The following GRK5 variants were observed in gnomAD, a reference collection of about 807,000 sequenced individuals.
GRK5 encodes g protein-coupled receptor kinase GRK5.
Under a neutral mutation model 78.4 loss-of-function variants are expected in GRK5, and 40 were observed. The observed-to-expected ratio is 0.51, with a 90% CI of 0.40 to 0.66. The LOEUF is 0.66. GRK5 is among the 30% of genes least tolerant of loss of function. The probability of loss-of-function intolerance (pLI) is 0.00; values close to 1 mark genes in which losing one functional copy is unlikely to be tolerated. For missense variants in GRK5, 598 were observed against 759.9 expected (o/e 0.79, Z 2.50); for synonymous variants, 289 against 296.8 (o/e 0.97, Z 0.27).
chr10:119,350,834 G>A (rs1054557142), intron 2 of GRK5, among the ~76,000 whole-genome samples: 2 of 152,190 alleles, frequency 1.3e-5, no homozygotes, highest in Admixed American at 1.3e-4. Context: ...GAACATGCAC[G>A]CAGCACAGCA....
At chr10:119,392,295 CCT>C (rs1442618612) in intron 3 of GRK5, among the ~76,000 whole-genome samples, 2 of 152,224 alleles carry the variant, frequency 1.3e-5, no homozygotes, top group Non-Finnish European at 2.9e-5. Context: ...AAAGGCCACC[CCT>C]GTGTTTGGCA....
chr10:119,408,341 C>CAAAAAAAAAA (rs67973033), intron 4 of GRK5, among the ~76,000 whole-genome samples: 1 of 48,702 alleles, frequency 2.1e-5, no homozygotes, highest in Non-Finnish European at 3.5e-5. Flanking sequence ...AACCCTGTCT[C>CAAAAAAAAAA]AAAAAAAAAA....
Position 119,271,250 on chromosome 10 carries a change from C to T in GRK5, c.53-55266C>T, listed in dbSNP as rs551430676. On this transcript the variant is annotated intron_variant, in intron 1 of 15. Transcript: ENST00000392870. This position sits in a 1 kb window ranked among gnomAD's most constrained non-coding sequence, Gnocchi z 4.1. ...TTGGGCGCTGGTCATTCAGAGAGGC[C>T]CTCTCAGACACGCCTGGCCTCTTTA... Among the ~76,000 whole-genome samples the T allele has an allele frequency of 1.3e-3, 193 of 152,292 alleles. No homozygotes were observed. Among genetic ancestry groups the T allele is most frequent in the Middle Eastern group, 0.01 (3 of 294 alleles).
intron 1 of GRK5, among the ~76,000 whole-genome samples, chr10:119,311,273 G>A (rs1200562468): frequency 6.6e-6 from 1 of 152,308 alleles, no homozygotes; most frequent in South Asian, 2.1e-4. Context: ...CTGAGAGACA[G>A]GAGGGAACCA....
At chr10:119,252,703 C>T (rs930269930) in intron 1 of GRK5, among the ~76,000 whole-genome samples, 1 of 152,174 alleles carries the variant, frequency 6.6e-6, no homozygotes, top group Non-Finnish European at 1.5e-5. Flanking sequence ...GAAATGTGGC[C>T]TTCCTAAATT....
At chr10:119,347,946 C>T (rs1042409868) in intron 2 of GRK5, among the ~76,000 whole-genome samples, 6 of 152,180 alleles carry the variant, frequency 3.9e-5, no homozygotes, top group Admixed American at 2.6e-4. Context: ...CAGTGACCAC[C>T]CCCCAACCTT....
In GRK5 at chr10:119,216,785, T is replaced by C. The variant is rs950852901; in HGVS notation, c.52+8816T>C. The stretch of plus-strand genomic sequence containing the variant: ...CTGACCACCGTGGTGAAAACCCATC[T>C]CTACTAAAAATACAAAATTACCTGG... On this transcript the variant is annotated intron_variant, in intron 1 of 15. Transcript: ENST00000392870. Among the ~76,000 whole-genome samples the C allele has an allele frequency of 3.3e-5, 5 of 152,168 alleles. No homozygotes were observed. The East Asian group carries it at 7.7e-4, about 23-fold the overall frequency.
In GRK5 at chr10:119,267,793, A is replaced by C. The variant is rs1164390829; in HGVS notation, c.53-58723A>C. Among the ~76,000 whole-genome samples, 1 of 152,086 alleles carries C rather than the reference A, an allele frequency of 6.6e-6. No individual in the cohort carries two copies. The highest frequency in any genetic ancestry group is 1.5e-5 in the Non-Finnish European group (1 of 68,000). ...CTGGCTCAGCCACACAAACAATGACATGGAACAGGGAGGCGCTCCCATGTC... is the reference window on the plus strand; with the variant it reads ...CTGGCTCAGCCACACAAACAATGACCTGGAACAGGGAGGCGCTCCCATGTC... On this transcript the variant is annotated intron_variant, in intron 1 of 15. Transcript: ENST00000392870. This position sits in a 1 kb window ranked among gnomAD's most constrained non-coding sequence, Gnocchi z 4.1.
At chr10:119,416,883 C>G (rs770462741) in intron 4 of GRK5, among the ~76,000 whole-genome samples, 1 of 152,216 alleles carries the variant, frequency 6.6e-6, no homozygotes, top group African/African-American at 2.4e-5. Flanking sequence ...CGTGAGCCAC[C>G]GCACCTGGCT....
chr10:119,432,944 G>A (rs551935836), intron 8 of GRK5, among the ~76,000 whole-genome samples: 2 of 152,252 alleles, frequency 1.3e-5, no homozygotes, highest in African/African-American at 4.8e-5. Context: ...GGTGGTGGGC[G>A]CCTGTAATTC....
At position 119,211,142 on chromosome 10, in the gene GRK5, G is replaced by T. The variant is rs539071411; in HGVS notation, c.52+3173G>T. On this transcript the variant is annotated intron_variant, in intron 1 of 15. Transcript: ENST00000392870. The stretch of plus-strand genomic sequence containing the variant: ...TTTTGAACCACGGAAATGTATTTTG[G>T]GGCCTGTTTATTTGTCCTGGGTCTC... 3.3e-5 allele frequency among the ~76,000 whole-genome samples: 5 copies of T among 152,216 alleles called. No homozygotes were observed. The East Asian group carries it at 9.7e-4, about 29-fold the overall frequency.
chr10:119,208,504 C>T, intron 1 of GRK5: 1 of 154,208 alleles, frequency 6.5e-6, no homozygotes, highest in East Asian at 1.9e-4. Context: ...AAGGCAAAGT[C>T]AGATGTTGAG....
chr10:119,272,854 T>C (rs2133676963), intron 1 of GRK5, among the ~76,000 whole-genome samples: 1 of 152,260 alleles, frequency 6.6e-6, no homozygotes, highest in South Asian at 2.1e-4. Flanking sequence ...TGTTCTCGCA[T>C]TGATAGACCT....
chr10:119,302,450 T>G (rs896107779), intron 1 of GRK5, among the ~76,000 whole-genome samples: 3 of 152,168 alleles, frequency 2.0e-5, no homozygotes, highest in Non-Finnish European at 1.5e-5. Flanking sequence ...AGCAGAACCT[T>G]GGGGCTCACT....
chr10:119,292,038 C>G (rs1849981512), intron 1 of GRK5, among the ~76,000 whole-genome samples: 1 of 126,334 alleles, frequency 7.9e-6, no homozygotes, highest in Non-Finnish European at 1.6e-5. Flanking sequence ...TCTTCTCCTC[C>G]TCTTCCTCCT....
In GRK5 at chr10:119,207,646, TGGGGGGTGGGGGGGAGCGTGTTGAGGGA is replaced by T; in HGVS notation, c.-265_-238del. On this transcript the variant is annotated 5_prime_UTR_variant, in exon 1 of 16. Coordinates refer to ENST00000392870, the MANE Select transcript of GRK5 (RefSeq NM_005308.3). Reference sequence around the variant, plus strand: ...TGGAGTGACAGAGACACGCGGAGGGTGGGGGGTGGGGGGGAGCGTGTTGAGGGAGGGGGGAGGGGGGACACAGAGGGAG... The same window carrying T: ...TGGAGTGACAGAGACACGCGGAGGGTGGGGGGAGGGGGGACACAGAGGGAG... The T allele has an allele frequency of 5.9e-6, 1 of 169,762 alleles. No homozygotes were observed. The highest frequency in any genetic ancestry group is 1.7e-4 in the East Asian group (1 of 5,754). 10.5% of individuals were successfully genotyped at this position (169,762 alleles called of 1,614,324 possible). A position where few individuals can be genotyped will look rare whatever the true frequency, so the allele number is the denominator to read the frequency against.
chr10:119,358,210 T>C (rs1188705901), intron 2 of GRK5, among the ~76,000 whole-genome samples: 1 of 152,078 alleles, frequency 6.6e-6, no homozygotes, highest in Non-Finnish European at 1.5e-5. Context: ...TGGCAGTGTT[T>C]TGGGGTGTCC....
chr10:119,391,734 G>T (rs1332191108), intron 3 of GRK5, among the ~76,000 whole-genome samples: 1 of 152,194 alleles, frequency 6.6e-6, no homozygotes, highest in Non-Finnish European at 1.5e-5. Context: ...GGCCCACGTG[G>T]TCAGCACACA....
chr10:119,453,914 G>T (rs1853347191), intron 15 of GRK5, among the ~76,000 whole-genome samples: 1 of 152,120 alleles, frequency 6.6e-6, no homozygotes, highest in African/African-American at 2.4e-5. Flanking sequence ...GGTAAGGGTT[G>T]GTGTGGGCCA....
Sources: allele counts gnomAD v4.1 joint callset (sites outside exome capture counted in the v4.1 genomes callset), GRCh38; gene constraint gnomAD v4.1.1; non-coding constraint Gnocchi (gnomAD v3.1); transcripts MANE v1.5; gene names NCBI Gene and HGNC (gene_info 2026-07-23, HGNC 2026-07-21).